Variants in SSBP2 observed in about 807,000 individuals in gnomAD.
The protein encoded by SSBP2 is single-stranded DNA-binding protein 2.
A neutral mutation model predicts 61.8 loss-of-function variants in SSBP2; 17 were observed. That is an observed-to-expected ratio of 0.28 (90% CI 0.19 to 0.41). SSBP2 has a LOEUF of 0.41. SSBP2 is among the 10% of genes least tolerant of loss of function. The pLI is 1.00. For synonymous variants in SSBP2, 139 were observed against 141.3 expected, an observed-to-expected ratio of 0.98 and a Z score of 0.12; for missense variants, 310 against 458.7, an observed-to-expected ratio of 0.68 and a Z score of 2.96.
intron 1 of SSBP2, among the ~76,000 whole-genome samples, chr5:81,657,755 C>T (rs1750349016): frequency 6.6e-6 from 1 of 152,126 alleles, no homozygotes; most frequent in South Asian, 2.1e-4. Flanking sequence ...AGGTATTCAG[C>T]TATATAAAAA....
At position 81,437,475 on chromosome 5, in the gene SSBP2, A is replaced by C; in HGVS notation, c.929-17T>G. The C allele has an allele frequency of 6.2e-7, 1 of 1,602,262 alleles. No homozygotes were observed. Among genetic ancestry groups the C allele is most frequent in the South Asian group, 1.1e-5 (1 of 88,378 alleles). ...CTCCTGAGCCTGAAACAAAATATAA[A>C]AAGAAAGCCTTTATTAGGTAAGATT... On this transcript the variant is annotated splice_polypyrimidine_tract_variant and intron_variant, in intron 14 of 16. Transcript: ENST00000320672.
intron 8 of SSBP2, 100 bp downstream of exon 8, chr5:81,473,600 T>C: frequency 2.0e-6 from 2 of 1,007,734 alleles, no homozygotes; most frequent in Non-Finnish European, 3.1e-6. Flanking sequence ...TAGTATTCCA[T>C]GGTATACATG....
intron 4 of SSBP2, among the ~76,000 whole-genome samples, chr5:81,581,736 G>GT (rs1774664861): frequency 6.6e-6 from 1 of 152,124 alleles, no homozygotes; most frequent in African/African-American, 2.4e-5. Flanking sequence ...TCTGTGTTCT[G>GT]TCTCCTCAAA....
intron 6 of SSBP2, among the ~76,000 whole-genome samples, chr5:81,477,598 G>C (rs1212802061): frequency 6.6e-6 from 1 of 151,964 alleles, no homozygotes; most frequent in Non-Finnish European, 1.5e-5. Context: ...TGCCATCTCT[G>C]CATGGCTACC....
intron 5 of SSBP2, among the ~76,000 whole-genome samples, chr5:81,492,513 C>T (rs368040869): frequency 8.2e-4 from 124 of 151,202 alleles, no homozygotes; most frequent in African/African-American, 2.8e-3. Flanking sequence ...CAAAACAAAA[C>T]GAAACAAAAA....
intron 13 of SSBP2, among the ~76,000 whole-genome samples, chr5:81,442,143 G>A (rs1763079106): frequency 6.6e-6 from 1 of 152,000 alleles, no homozygotes; most frequent in Admixed American, 6.6e-5. Context: ...GTGAACTTCT[G>A]TGGAAAAATC....
At position 81,646,688 on chromosome 5, in the gene SSBP2, ATTTTTT is replaced by A. The variant is rs68107334; in HGVS notation, c.135+3573_135+3578del. Reference sequence around the variant, plus strand: ...ACCAGAGTACAAACCTGATGATGTCATTTTTTTTTTTTTTTTTTTTTTTTTTACTTT... The same window carrying A: ...ACCAGAGTACAAACCTGATGATGTCATTTTTTTTTTTTTTTTTTTTACTTT... On this transcript the variant is annotated intron_variant, in intron 2 of 16. Coordinates refer to ENST00000320672, the MANE Select transcript of SSBP2 (RefSeq NM_012446.5). 8.2e-3 allele frequency among the ~76,000 whole-genome samples: 708 copies of A among 85,942 alleles called. 6 individuals are homozygous for A. The highest frequency in any genetic ancestry group is 0.029 in the African/African-American group (658 of 22,344). 56.4% of individuals were successfully genotyped at this position (85,942 alleles called of 152,430 possible).
chr5:81,629,654 G>A (rs1239387158), intron 3 of SSBP2, among the ~76,000 whole-genome samples: 3 of 152,072 alleles, frequency 2.0e-5, no homozygotes, highest in African/African-American at 7.2e-5. Flanking sequence ...CTCCTGTGTT[G>A]CTATTATAAC....
At chr5:81,614,358 T>A (rs1216180667) in intron 4 of SSBP2, among the ~76,000 whole-genome samples, 2 of 14,740 alleles carry the variant, frequency 1.4e-4, no homozygotes, top group Non-Finnish European at 1.2e-4. Flanking sequence ...AGACTCCGTC[T>A]CAAAAAAAAA....
chr5:81,658,779 G>A (rs546097709), intron 1 of SSBP2, among the ~76,000 whole-genome samples: 2 of 151,992 alleles, frequency 1.3e-5, no homozygotes, highest in Non-Finnish European at 2.9e-5. Context: ...ATAAAACACT[G>A]GCAAACCGAA....
chr5:81,651,019 T>C (rs566209854), intron 1 of SSBP2, among the ~76,000 whole-genome samples: 172 of 152,328 alleles, frequency 1.1e-3, no homozygotes, highest in African/African-American at 4.0e-3. Context: ...GAATATTCAA[T>C]GTGTTGTATA....
At position 81,472,015 on chromosome 5, in the gene SSBP2, T is replaced by C. The variant is rs116174992; in HGVS notation, c.570+1685A>G. Among the ~76,000 whole-genome samples, 454 of 152,228 alleles carry C rather than the reference T, an allele frequency of 3.0e-3. 2 individuals are homozygous for C. The highest frequency in any genetic ancestry group is 0.01 in the African/African-American group (434 of 41,570). ...TTATCTGGGTGCTGAGTTCTCAATT[T>C]TTTTACTCTGTTGGTAGCACAACAA... On this transcript the variant is annotated intron_variant, in intron 8 of 16. Transcript: ENST00000320672.
chr5:81,636,512 G>A, intron 3 of SSBP2, 45 bp downstream of exon 3: 9 of 1,473,068 alleles, frequency 6.1e-6, no homozygotes, highest in Non-Finnish European at 7.5e-6. Flanking sequence ...CAGGCCTATT[G>A]AAATGCATCA....
chr5:81,733,351 A>G (rs116414095), intron 1 of SSBP2, among the ~76,000 whole-genome samples: 1,836 of 152,248 alleles, frequency 0.012, 44 homozygotes, highest in African/African-American at 0.042. Context: ...TATCTCTCTA[A>G]CTTTCAAACA....
At chr5:81,750,600 C>G (rs1291178486) in intron 1 of SSBP2, 1 of 219,110 alleles carries the variant, frequency 4.6e-6, no homozygotes, top group African/African-American at 2.4e-5. Flanking sequence ...GCAGCTGCCC[C>G]TCCCGCCACC....
At position 81,480,582 on chromosome 5, in the gene SSBP2, T is replaced by G. The variant is rs114751789; in HGVS notation, c.433-6020A>C. ...TGAAGGCTGGGATGGCTATGGCAAT[T>G]TCTTTTAAAGACAAGGTTTTATCAT... On this transcript the variant is annotated intron_variant, in intron 6 of 16. Coordinates refer to ENST00000320672, the MANE Select transcript of SSBP2 (RefSeq NM_012446.5). Among the ~76,000 whole-genome samples the G allele has an allele frequency of 5.8e-3, 881 of 152,314 alleles. 6 individuals are homozygous for G. Among genetic ancestry groups the G allele is most frequent in the African/African-American group, 0.02 (822 of 41,554 alleles).
intron 1 of SSBP2, among the ~76,000 whole-genome samples, chr5:81,707,601 T>C (rs2153911589): frequency 6.6e-6 from 1 of 152,256 alleles, no homozygotes; most frequent in East Asian, 1.9e-4. Flanking sequence ...AGTCAATAAA[T>C]TTCTGTTGTT....
chr5:81,439,576 A>G (rs1175714451), intron 14 of SSBP2, among the ~76,000 whole-genome samples: 2 of 149,584 alleles, frequency 1.3e-5, no homozygotes, highest in Non-Finnish European at 3.0e-5. Context: ...ATCTCGGCTC[A>G]CTGCACCCTC....
intron 4 of SSBP2, among the ~76,000 whole-genome samples, chr5:81,535,417 C>T (rs1024825171): frequency 2.6e-5 from 4 of 151,940 alleles, no homozygotes; most frequent in African/African-American, 9.7e-5. Flanking sequence ...CTTATTTCGT[C>T]GCTATTGATG....
Sources: gnomAD v4.1 joint callset for allele counts (sites outside exome capture counted in the v4.1 genomes callset) on GRCh38, gnomAD v4.1.1 for gene constraint, MANE v1.5 for transcripts, NCBI Gene and HGNC (gene_info 2026-07-23, HGNC 2026-07-21) for gene names.